The following GABRB1 variants were observed in gnomAD, a reference collection of about 807,000 sequenced individuals.
The protein encoded by GABRB1 is gamma-aminobutyric acid type A receptor subunit beta1.
A neutral mutation model predicts 51.6 loss-of-function variants in GABRB1; 17 were observed. The observed-to-expected ratio is 0.33, with a 90% CI of 0.23 to 0.49. The LOEUF (loss-of-function observed/expected upper bound fraction) is 0.49. Ranked by LOEUF, GABRB1 falls within the 20% of genes least tolerant of loss-of-function variation. GABRB1 has a pLI of 0.99. For synonymous variants in GABRB1, 247 were observed against 218.9 expected (o/e 1.13, Z -1.14); for missense variants, 410 against 600.6 (o/e 0.68, Z 3.32).
chr4:47,245,827 CT>C (rs201059107), intron 4 of GABRB1, among the ~76,000 whole-genome samples: 2,013 of 130,164 alleles, frequency 0.015, 21 homozygotes, highest in African/African-American at 0.034. Flanking sequence ...TTCTTTCTTT[CT>C]TTTTTTTTTT....
chr4:47,115,455 ATATCTT>A (rs1280174734), intron 3 of GABRB1, among the ~76,000 whole-genome samples: 49 of 152,146 alleles, frequency 3.2e-4, no homozygotes, highest in African/African-American at 1.1e-3. Flanking sequence ...ATAAGTAATA[ATATCTT>A]GAGAAATGTG....
At chr4:47,186,872 C>T (rs913070516) in intron 4 of GABRB1, among the ~76,000 whole-genome samples, 1 of 151,824 alleles carries the variant, frequency 6.6e-6, no homozygotes, top group Non-Finnish European at 1.5e-5. Context: ...AAGTGCTAGA[C>T]TTTATTCAGT....
intron 3 of GABRB1, among the ~76,000 whole-genome samples, chr4:47,142,038 TCCCTAAGG>T (rs1287115184): frequency 6.6e-6 from 1 of 151,814 alleles, no homozygotes; most frequent in African/African-American, 2.4e-5. Context: ...TATAATTCCA[TCCCTAAGG>T]GAGCCTACAC....
chr4:47,109,379 T>C (rs543549869), intron 3 of GABRB1, among the ~76,000 whole-genome samples: 2 of 152,196 alleles, frequency 1.3e-5, no homozygotes, highest in East Asian at 3.9e-4. Context: ...GATTAGAATA[T>C]GAGAATCTGA....
chr4:47,027,646 T>C (rs1203251580), upstream of GABRB1, among the ~76,000 whole-genome samples: 1 of 151,622 alleles, frequency 6.6e-6, no homozygotes, highest in Non-Finnish European at 1.5e-5. Flanking sequence ...AATGACTTCT[T>C]AAGTTAATTA....
At chr4:47,188,002 T>A (rs1719258385) in intron 4 of GABRB1, among the ~76,000 whole-genome samples, 1 of 151,966 alleles carries the variant, frequency 6.6e-6, no homozygotes, top group Non-Finnish European at 1.5e-5. Context: ...GATTTGTTTT[T>A]CATCTTAGCA....
chr4:47,043,772 A>C (rs1725960827), intron 3 of GABRB1, among the ~76,000 whole-genome samples: 1 of 152,120 alleles, frequency 6.6e-6, no homozygotes, highest in East Asian at 1.9e-4. Context: ...TTTCAGAATA[A>C]CTGGAAAGCT....
chr4:47,169,141 A>ATAGC (rs900888476), intron 4 of GABRB1, among the ~76,000 whole-genome samples: 2 of 152,152 alleles, frequency 1.3e-5, no homozygotes, highest in African/African-American at 4.8e-5. Context: ...TCAACCCATA[A>ATAGC]TAGCAACTGA....
chr4:47,286,901 G>A (rs770226917), intron 4 of GABRB1, among the ~76,000 whole-genome samples: 5 of 152,140 alleles, frequency 3.3e-5, no homozygotes, highest in Non-Finnish European at 4.4e-5. Context: ...CCCAAACATG[G>A]CCACCCATTA....
chr4:47,387,412 C>A (rs1307226572), intron 5 of GABRB1, among the ~76,000 whole-genome samples: 1 of 152,116 alleles, frequency 6.6e-6, no homozygotes, highest in East Asian at 1.9e-4. Flanking sequence ...GTAGAGGTTG[C>A]AATAAGCCAA....
At chr4:47,226,711 A>T (rs983851945) in intron 4 of GABRB1, among the ~76,000 whole-genome samples, 3 of 152,154 alleles carry the variant, frequency 2.0e-5, no homozygotes, top group Non-Finnish European at 2.9e-5. Flanking sequence ...ACCTATAAAT[A>T]TCTCAATAAA....
chr4:47,251,983 C>T lies in GABRB1; in HGVS notation c.462-68144C>T, dbSNP rs138306761. On this transcript the variant is annotated intron_variant, in intron 4 of 8. Transcript: ENST00000295454. The stretch of plus-strand genomic sequence containing the variant: ...GTGGAGTCTGCATGCTGGATTCACG[C>T]CCTCCCTTGAGTTCTGGCTGGGAGG... 1.9e-3 allele frequency among the ~76,000 whole-genome samples: 282 copies of T among 152,230 alleles called. 2 individuals are homozygous for T. The highest frequency in any genetic ancestry group is 6.5e-3 in the African/African-American group (268 of 41,536).
intron 3 of GABRB1, among the ~76,000 whole-genome samples, chr4:47,063,549 A>G (rs892989644): frequency 6.6e-6 from 1 of 152,212 alleles, no homozygotes; most frequent in African/African-American, 2.4e-5. Flanking sequence ...ACATGATGCC[A>G]ACAAGGACAC....
chr4:47,092,165 C>CTTTCTTT (rs1266241414), intron 3 of GABRB1, among the ~76,000 whole-genome samples: 1 of 60,510 alleles, frequency 1.7e-5, no homozygotes, highest in Admixed American at 2.1e-4. Context: ...TTCTTTCTTT[C>CTTTCTTT]TTTTTTTTTT....
chr4:47,064,372 C>G (rs550363464), intron 3 of GABRB1, among the ~76,000 whole-genome samples: 29 of 152,102 alleles, frequency 1.9e-4, no homozygotes, highest in Non-Finnish European at 4.1e-4. Context: ...CGGTGGCTCA[C>G]GCCTGTAATC....
intron 4 of GABRB1, among the ~76,000 whole-genome samples, chr4:47,299,469 G>A (rs1724154407): frequency 6.6e-6 from 1 of 152,124 alleles, no homozygotes; most frequent in Admixed American, 6.6e-5. Flanking sequence ...CATTTATGCA[G>A]CCAAAAAACA....
At chr4:47,038,195 TTTA>T (rs774475673) in intron 3 of GABRB1, among the ~76,000 whole-genome samples, 8 of 152,178 alleles carry the variant, frequency 5.3e-5, no homozygotes, top group Non-Finnish European at 1.0e-4. Context: ...ATCACAAGAA[TTTA>T]TTGAGTTCCC....
At chr4:47,424,120 T>C (rs1439240417) in intron 8 of GABRB1, among the ~76,000 whole-genome samples, 1 of 152,120 alleles carries the variant, frequency 6.6e-6, no homozygotes, top group African/African-American at 2.4e-5. Flanking sequence ...GCCATTTCTC[T>C]CTCCAACCAA....
chr4:47,204,643 G>T (rs141727328), intron 4 of GABRB1, among the ~76,000 whole-genome samples: 1 of 152,004 alleles, frequency 6.6e-6, no homozygotes, highest in Admixed American at 6.6e-5. Context: ...GGTCTTTCCC[G>T]TCCTATTCTC....
Sources: gnomAD v4.1 joint callset for allele counts (sites outside exome capture counted in the v4.1 genomes callset) on GRCh38, gnomAD v4.1.1 for gene constraint, MANE v1.5 for transcripts, NCBI Gene and HGNC (gene_info 2026-07-23, HGNC 2026-07-21) for gene names.